KCNIP1: variants seen among roughly 807,000 people sequenced by gnomAD.
KCNIP1 encodes the protein A-type potassium channel modulatory protein KCNIP1.
In KCNIP1, 18 loss-of-function variants were observed where a neutral mutation model predicts 33.0. That is an observed-to-expected ratio of 0.55 (90% CI 0.38 to 0.81). The LOEUF (loss-of-function observed/expected upper bound fraction) is 0.81, where lower values mean the gene tolerates loss of function less well. Among genes scored for constraint, KCNIP1 ranks in the 30% least tolerant of loss-of-function variants. The probability of loss-of-function intolerance (pLI) is 0.00; values close to 1 mark genes in which losing one functional copy is unlikely to be tolerated. For missense variants in KCNIP1, 238 were observed against 271.6 expected, an observed-to-expected ratio of 0.88 and a Z score of 0.87; for synonymous variants, 93 against 98.3, an observed-to-expected ratio of 0.95 and a Z score of 0.32.
intron 1 of KCNIP1, among the ~76,000 whole-genome samples, chr5:170,520,862 G>A (rs945041182): frequency 2.0e-5 from 3 of 152,152 alleles, no homozygotes; most frequent in African/African-American, 7.2e-5. Flanking sequence ...GGGCAGTGCT[G>A]TTCAGAACCT....
intron 1 of KCNIP1, among the ~76,000 whole-genome samples, chr5:170,475,231 C>G (rs879494674): frequency 1.3e-5 from 2 of 152,258 alleles, no homozygotes; most frequent in Non-Finnish European, 2.9e-5. Context: ...AGAAGTCCAG[C>G]TGGCTTCACC....
At chr5:170,649,743 A>G (rs1760959583) in intron 1 of KCNIP1, among the ~76,000 whole-genome samples, 1 of 152,166 alleles carries the variant, frequency 6.6e-6, no homozygotes, top group African/African-American at 2.4e-5. Context: ...TCCTGGTACA[A>G]TCCTGTTGTA....
At chr5:170,616,131 C>A (rs1383539315) in intron 1 of KCNIP1, among the ~76,000 whole-genome samples, 1 of 152,094 alleles carries the variant, frequency 6.6e-6, no homozygotes, top group African/African-American at 2.4e-5. Context: ...ATGATGGAAC[C>A]CTTATAGGCT....
chr5:170,513,937 G>C (rs989608973), intron 1 of KCNIP1, among the ~76,000 whole-genome samples: 3 of 152,180 alleles, frequency 2.0e-5, no homozygotes, highest in Non-Finnish European at 4.4e-5. Context: ...TCCTGTAATG[G>C]TTTCATTATT....
chr5:170,694,733 A>T (rs1762835113), intron 1 of KCNIP1, among the ~76,000 whole-genome samples: 1 of 152,232 alleles, frequency 6.6e-6, no homozygotes, highest in Non-Finnish European at 1.5e-5. Context: ...CAGAATCACA[A>T]AGCATGCCTG....
chr5:170,366,858 G>C (rs748103179), intron 1 of KCNIP1, among the ~76,000 whole-genome samples: 1 of 152,108 alleles, frequency 6.6e-6, no homozygotes, highest in Admixed American at 6.5e-5. Context: ...AAGACCCCTC[G>C]CCTCCTCCCT....
intron 1 of KCNIP1, among the ~76,000 whole-genome samples, chr5:170,368,950 G>T (rs116821221): frequency 6.6e-6 from 1 of 152,146 alleles, no homozygotes; most frequent in South Asian, 2.1e-4. Flanking sequence ...ACACAAATTC[G>T]CATGTGCACA....
At position 170,504,148 on chromosome 5, in the gene KCNIP1, A is replaced by T; in HGVS notation, c.-425A>T. On this transcript the variant is annotated 5_prime_UTR_variant, in exon 1 of 8. Coordinates refer to ENST00000328939, the MANE Select transcript of KCNIP1 (RefSeq NM_014592.4). The surrounding 1 kb of genome is among the most constrained non-coding windows in gnomAD (Gnocchi z 6.0). Reference sequence around the variant, plus strand: ...GCCCTCCGAGACCCAGCCCGAGCGCAGGGAGGGGAGCCGAGTGTGCGGCAG... The same window carrying T: ...GCCCTCCGAGACCCAGCCCGAGCGCTGGGAGGGGAGCCGAGTGTGCGGCAG... The T allele has an allele frequency of 6.0e-6, 6 of 996,568 alleles. No homozygotes were observed. Among genetic ancestry groups the T allele is most frequent in the Non-Finnish European group, 7.2e-6 (6 of 838,324 alleles). The allele number at this position is 996,568 out of a possible 1,614,324, so 61.7% of individuals were successfully genotyped here.
intron 1 of KCNIP1, among the ~76,000 whole-genome samples, chr5:170,702,323 G>A (rs1763125265): frequency 6.6e-6 from 1 of 152,210 alleles, no homozygotes; most frequent in East Asian, 1.9e-4. Context: ...CCAGTGTGCG[G>A]CCTTGGATGA....
chr5:170,650,801 T>C (rs1215462297), intron 1 of KCNIP1, among the ~76,000 whole-genome samples: 2 of 152,194 alleles, frequency 1.3e-5, no homozygotes, highest in Non-Finnish European at 2.9e-5. Context: ...ATTAATAAAT[T>C]GGATTTCATC....
At chr5:170,564,572 T>G (rs974310798) in intron 1 of KCNIP1, among the ~76,000 whole-genome samples, 2 of 152,112 alleles carry the variant, frequency 1.3e-5, no homozygotes, top group Non-Finnish European at 2.9e-5. Flanking sequence ...CCACACTTTC[T>G]CCAGGGATGT....
rs577411239 is a variant in KCNIP1 at position 170,420,980 on chromosome 5, T to C, written c.88+67016T>C. ...CTAGCCCTGATCTGAGCAGGAGCCATTTGATTGGGTTGTTGGTACACTGCC... is the reference window on the plus strand; with the variant it reads ...CTAGCCCTGATCTGAGCAGGAGCCACTTGATTGGGTTGTTGGTACACTGCC... On this transcript the variant is annotated intron_variant, in intron 1 of 7. Transcript: ENST00000377360. 2.6e-5 allele frequency among the ~76,000 whole-genome samples: 4 copies of C among 152,112 alleles called. No individual in the cohort carries two copies. The East Asian group carries it at 5.8e-4, about 22-fold the overall frequency.
At chr5:170,611,061 G>T (rs1335427857) in intron 1 of KCNIP1, among the ~76,000 whole-genome samples, 1 of 152,224 alleles carries the variant, frequency 6.6e-6, no homozygotes, top group African/African-American at 2.4e-5. Context: ...CCAAAGCCAG[G>T]ATTTGATTCC....
At chr5:170,690,934 T>C (rs1042247391) in intron 1 of KCNIP1, among the ~76,000 whole-genome samples, 11 of 152,276 alleles carry the variant, frequency 7.2e-5, no homozygotes. Context: ...CTTGCCTTTA[T>C]AGTAGTGGAT....
At chr5:170,665,756 G>T (rs4868010) in intron 1 of KCNIP1, among the ~76,000 whole-genome samples, 13,812 of 152,138 alleles carry the variant, frequency 0.091, 696 homozygotes, top group South Asian at 0.1. Flanking sequence ...AGTTTCTTAG[G>T]CTTCCCTCTG....
chr5:170,681,138 A>C, intron 1 of KCNIP1: 1 of 399,182 alleles, frequency 2.5e-6, no homozygotes, highest in Non-Finnish European at 4.4e-6. Context: ...CTCCTCCCTG[A>C]AACTTTTGCA....
chr5:170,437,485 C>T (rs1755892460), intron 1 of KCNIP1, among the ~76,000 whole-genome samples: 1 of 152,318 alleles, frequency 6.6e-6, no homozygotes, highest in Admixed American at 6.5e-5. Flanking sequence ...CTGCTCACCC[C>T]CATTTGAGAG....
rs116152123 is a variant in KCNIP1 at position 170,413,158 on chromosome 5, T to C, written c.88+59194T>C. ...TGTGTGGCCTACACAGGACATTAGCTTGAGCACCAGAGAGCAGACCAAGGC... is the reference window on the plus strand; with the variant it reads ...TGTGTGGCCTACACAGGACATTAGCCTGAGCACCAGAGAGCAGACCAAGGC... On this transcript the variant is annotated intron_variant, in intron 1 of 7. Coordinates refer to the KCNIP1 transcript ENST00000377360. 9.6e-3 allele frequency among the ~76,000 whole-genome samples: 1,460 copies of C among 152,282 alleles called. 21 individuals are homozygous for C. The highest frequency in any genetic ancestry group is 0.033 in the African/African-American group (1,374 of 41,556).
chr5:170,563,640 T>TTTTG lies in KCNIP1; in HGVS notation c.61+59024_61+59027dup, dbSNP rs71575588. Among the ~76,000 whole-genome samples, 4 of 139,388 alleles carry TTTTG rather than the reference T, an allele frequency of 2.9e-5. No individual in the cohort carries two copies. In the South Asian group the frequency reaches 9.8e-4, roughly 34 times the overall value. 91.4% of individuals were successfully genotyped at this position (139,388 alleles called of 152,430 possible). A position where few individuals can be genotyped will look rare whatever the true frequency, so the allele number is the denominator to read the frequency against. ...TAGTTTTAAGGTGTTTTGTTTTTTT[T>TTTTG]TTTGTTTGTTTGTTTGTTTGAGACA... On this transcript the variant is annotated intron_variant, in intron 1 of 7. Coordinates refer to ENST00000328939, the MANE Select transcript of KCNIP1 (RefSeq NM_014592.4).
Sources: gnomAD v4.1 joint callset for allele counts (sites outside exome capture counted in the v4.1 genomes callset) on GRCh38, gnomAD v4.1.1 for gene constraint, Gnocchi (gnomAD v3.1) non-coding constraint, MANE v1.5 for transcripts, NCBI Gene and HGNC (gene_info 2026-07-23, HGNC 2026-07-21) for gene names.